Variants in PAQR8 observed in about 807,000 individuals in gnomAD.
PAQR8 encodes the protein membrane progestin receptor beta.
A neutral mutation model predicts 25.2 loss-of-function variants in PAQR8; 17 were observed. The observed-to-expected ratio is 0.67, with a 90% CI of 0.46 to 1.01. The LOEUF is 1.01. Among genes scored for constraint, PAQR8 ranks in the 50% least tolerant of loss-of-function variants. The pLI is 0.00. For synonymous variants in PAQR8, 204 were observed against 190.6 expected (o/e 1.07, Z -0.58); for missense variants, 392 against 448.4 (o/e 0.87, Z 1.14).
chr6:52,403,588 CA>C lies in PAQR8; in HGVS notation c.376del (p.Ser126AlafsTer26). 2 of 1,614,106 alleles carry C rather than the reference CA, an allele frequency of 1.2e-6. No homozygotes were observed. The highest frequency in any genetic ancestry group is 2.2e-5 in the South Asian group (2 of 91,082). On this transcript the variant is annotated frameshift_variant, in exon 2 of 2. Coordinates refer to ENST00000442253, the MANE Select transcript of PAQR8 (RefSeq NM_133367.5). LOFTEE classifies it high-confidence loss of function. ...TGTCGTCAATCACTTACCTCACCTGCAGCCTTCTGGCCCACCTGCTGCAGTC... is the reference window on the plus strand; with the variant it reads ...TGTCGTCAATCACTTACCTCACCTGCGCCTTCTGGCCCACCTGCTGCAGTC... ...ILSSITYLTC[S>X]LLAHLLQSKS...
At chr6:52,379,573 TC>T (rs1763527601) in intron 1 of PAQR8, among the ~76,000 whole-genome samples, 1 of 149,758 alleles carries the variant, frequency 6.7e-6, no homozygotes, top group Non-Finnish European at 1.5e-5. Context: ...TGCCTCAGCC[TC>T]CCGAGTAGCT....
chr6:52,389,890 A>C (rs992851969), intron 1 of PAQR8, among the ~76,000 whole-genome samples: 2 of 152,174 alleles, frequency 1.3e-5, no homozygotes, highest in African/African-American at 4.8e-5. Context: ...TCAGTGATGA[A>C]GCTTCCTGCC....
intron 1 of PAQR8, among the ~76,000 whole-genome samples, chr6:52,374,220 A>G (rs1000737666): frequency 2.0e-5 from 3 of 152,188 alleles, no homozygotes; most frequent in African/African-American, 7.2e-5. Flanking sequence ...CCCAGTGTCC[A>G]GTATTTCTTT....
chr6:52,387,306 T>C (rs1763644487), intron 1 of PAQR8, among the ~76,000 whole-genome samples: 1 of 152,198 alleles, frequency 6.6e-6, no homozygotes, highest in Non-Finnish European at 1.5e-5. Context: ...ATCTAATACT[T>C]CCTTTTCATT....
chr6:52,390,354 G>C (rs2113946067), intron 1 of PAQR8, among the ~76,000 whole-genome samples: 1 of 152,238 alleles, frequency 6.6e-6, no homozygotes, highest in Admixed American at 6.5e-5. Context: ...AAGGCACTCA[G>C]AGGAAATTTG....
At chr6:52,389,384 C>T (rs1383522558) in intron 1 of PAQR8, among the ~76,000 whole-genome samples, 2 of 152,232 alleles carry the variant, frequency 1.3e-5, no homozygotes, top group Admixed American at 1.3e-4. Flanking sequence ...ATAGGTAAGC[C>T]AGTGTTCCTG....
intron 1 of PAQR8, among the ~76,000 whole-genome samples, chr6:52,402,114 A>G (rs557949912): frequency 1.3e-5 from 2 of 152,350 alleles, no homozygotes; most frequent in East Asian, 3.9e-4. Flanking sequence ...CTGTAATTCC[A>G]GCACTTTTGG....
intron 1 of PAQR8, among the ~76,000 whole-genome samples, chr6:52,382,396 A>G (rs1049985703): frequency 7.2e-5 from 11 of 152,216 alleles, no homozygotes; most frequent in Admixed American, 2.6e-4. Flanking sequence ...GGGCAAGACT[A>G]GACTGCAGCC....
At chr6:52,389,904 G>T (rs1022958512) in intron 1 of PAQR8, among the ~76,000 whole-genome samples, 1 of 152,218 alleles carries the variant, frequency 6.6e-6, no homozygotes, top group Non-Finnish European at 1.5e-5. Flanking sequence ...TCCTGCCGGT[G>T]AGAAGCTAGA....
At chr6:52,379,757 G>T (rs964525094) in intron 1 of PAQR8, among the ~76,000 whole-genome samples, 1 of 151,466 alleles carries the variant, frequency 6.6e-6, no homozygotes, top group South Asian at 2.1e-4. Flanking sequence ...CTCCGAAGTA[G>T]CTGGGACTAT....
chr6:52,380,847 G>T (rs551345530), intron 1 of PAQR8, among the ~76,000 whole-genome samples: 1 of 152,054 alleles, frequency 6.6e-6, no homozygotes, highest in Non-Finnish European at 1.5e-5. Context: ...TTATGAGGCT[G>T]GTATAAACAG....
chr6:52,367,823 C>T (rs1349771359), intron 1 of PAQR8, among the ~76,000 whole-genome samples: 1 of 152,216 alleles, frequency 6.6e-6, no homozygotes, highest in African/African-American at 2.4e-5. Flanking sequence ...TCTGATTGAA[C>T]TTATTATCTC....
chr6:52,363,880 T>TTTTGTC (rs1342899551), intron 1 of PAQR8, among the ~76,000 whole-genome samples: 1 of 151,410 alleles, frequency 6.6e-6, no homozygotes, highest in East Asian at 1.9e-4. Flanking sequence ...ATGGCTTTGT[T>TTTTGTC]TTTGTTTTTG....
chr6:52,403,164 T>C lies in PAQR8; in HGVS notation c.-50T>C. The C allele has an allele frequency of 9.9e-6, 15 of 1,508,344 alleles. No homozygotes were observed. The highest frequency in any genetic ancestry group is 1.3e-5 in the Non-Finnish European group (15 of 1,116,812). 93.4% of individuals were successfully genotyped at this position (1,508,344 alleles called of 1,614,324 possible). On this transcript the variant is annotated splice_region_variant and 5_prime_UTR_variant, in exon 2 of 2. Coordinates refer to ENST00000442253, the MANE Select transcript of PAQR8 (RefSeq NM_133367.5). Reference sequence around the variant, plus strand: ...CAATTTTCCTTTCTTTTCTGCAGGTTGCATACCCTGTCCTGAGGGCGCGGC... The same window carrying C: ...CAATTTTCCTTTCTTTTCTGCAGGTCGCATACCCTGTCCTGAGGGCGCGGC...
intron 1 of PAQR8, among the ~76,000 whole-genome samples, chr6:52,386,714 G>A (rs1278894935): frequency 1.3e-5 from 2 of 152,162 alleles, no homozygotes; most frequent in Non-Finnish European, 2.9e-5. Flanking sequence ...TACCTGTTGG[G>A]TACTATGCTC....
At chr6:52,394,695 G>A (rs1763746276) in intron 1 of PAQR8, among the ~76,000 whole-genome samples, 1 of 152,100 alleles carries the variant, frequency 6.6e-6, no homozygotes, top group African/African-American at 2.4e-5. Flanking sequence ...GGTAGTGTAG[G>A]CTAAGAGTGG....
chr6:52,384,863 G>A (rs973724757), intron 1 of PAQR8, among the ~76,000 whole-genome samples: 2 of 152,096 alleles, frequency 1.3e-5, no homozygotes, highest in Non-Finnish European at 2.9e-5. Flanking sequence ...AAAGCTGCAC[G>A]CCTACAATCA....
chr6:52,374,691 A>G (rs936612792), intron 1 of PAQR8, among the ~76,000 whole-genome samples: 5 of 152,084 alleles, frequency 3.3e-5, no homozygotes, highest in Non-Finnish European at 7.4e-5. Flanking sequence ...GTATGAGCCT[A>G]TAGGTATTTG....
In PAQR8 at chr6:52,383,404, G is replaced by A. The variant is rs1581792566; in HGVS notation, c.-52-19758G>A. ...CGGCCGGGCGCGGTGGCTCACGCCT[G>A]TAATCCCAGCACTTTGGGAGGCCGA... On this transcript the variant is annotated intron_variant, in intron 1 of 1. Transcript: ENST00000442253. 2.6e-5 allele frequency among the ~76,000 whole-genome samples: 4 copies of A among 152,314 alleles called. 1 individual carries two copies. The highest frequency in any genetic ancestry group is 2.6e-4 in the Admixed American group (4 of 15,300).
Sources: gnomAD v4.1 joint callset for allele counts (sites outside exome capture counted in the v4.1 genomes callset) on GRCh38, gnomAD v4.1.1 for gene constraint, MANE v1.5 for transcripts, NCBI Gene and HGNC (gene_info 2026-07-23, HGNC 2026-07-21) for gene names.